The following RNF214 variants were observed in gnomAD, a reference collection of about 807,000 sequenced individuals.
RNF214 encodes ring finger protein 214.
A neutral mutation model predicts 75.9 loss-of-function variants in RNF214; 25 were observed. That is an observed-to-expected ratio of 0.33 (90% confidence interval 0.24 to 0.46). RNF214 has a LOEUF of 0.46. RNF214 is among the 20% of genes least tolerant of loss of function. RNF214 has a pLI of 1.00. For missense variants in RNF214, 725 were observed against 857.5 expected (o/e 0.85, Z 1.93); for synonymous variants, 314 against 308.8 (o/e 1.02, Z -0.18).
At chr11:117,239,727 T>G (rs1420525645) in intron 3 of RNF214, 74 bp from the exon 4 acceptor site, 19 of 810,470 alleles carry the variant, frequency 2.3e-5, no homozygotes, top group African/African-American at 5.1e-5. Flanking sequence ...TGTGGCGGAA[T>G]TCTAGGTGTT....
intron 6 of RNF214, among the ~76,000 whole-genome samples, chr11:117,248,627 T>C (rs895731206): frequency 3.3e-5 from 5 of 152,198 alleles, no homozygotes; most frequent in African/African-American, 1.2e-4. Flanking sequence ...AGTTGTTCTG[T>C]TGAGAATCTA....
intron 6 of RNF214, among the ~76,000 whole-genome samples, chr11:117,250,576 T>A (rs888635660): frequency 8.6e-5 from 13 of 150,482 alleles, no homozygotes; most frequent in Admixed American, 1.3e-4. Context: ...CAGGTAGACA[T>A]TCATTTTATT....
chr11:117,285,411 T>G lies in RNF214; in HGVS notation c.*260T>G, dbSNP rs1302052029. ...ATTGTAGGGAAGATGATGTTTAGTT[T>G]GGCCTTGAAATTATGATATCCCTGC... is the stretch of plus-strand genomic sequence containing the variant. On this transcript the variant is annotated 3_prime_UTR_variant, in exon 15 of 15. Coordinates refer to ENST00000300650, the MANE Select transcript of RNF214 (RefSeq NM_207343.4). 6 of 327,962 alleles carry G rather than the reference T, an allele frequency of 1.8e-5. No individual in the cohort carries two copies. Among genetic ancestry groups the G allele is most frequent in the African/African-American group, 8.7e-5 (4 of 46,136 alleles). The allele number at this position is 327,962 out of a possible 1,614,324, so 20.3% of individuals were successfully genotyped here.
intron 7 of RNF214, 48 bp from the exon 8 acceptor site, chr11:117,280,123 T>C: frequency 6.5e-7 from 1 of 1,530,522 alleles, no homozygotes; most frequent in Non-Finnish European, 9.0e-7. Context: ...GAGGTACCTT[T>C]GTGTATGTAA....
chr11:117,249,618 C>T (rs1272661892), intron 6 of RNF214, among the ~76,000 whole-genome samples: 1 of 152,182 alleles, frequency 6.6e-6, no homozygotes, highest in Non-Finnish European at 1.5e-5. Context: ...CCACTGACTA[C>T]GTGGCTTAAA....
intron 6 of RNF214, among the ~76,000 whole-genome samples, chr11:117,267,138 A>G (rs568164616): frequency 1.3e-4 from 20 of 152,228 alleles, no homozygotes; most frequent in Admixed American, 5.2e-4. Flanking sequence ...TACATTCTCT[A>G]TAAGTGATTT....
In RNF214 at chr11:117,238,696, A is replaced by T. The variant is rs780358782; in HGVS notation, c.203A>T (p.Glu68Val). The change falls in exon 3 of 15, where the codon GAG (glutamate) becomes GTG (valine). Residue 68 changes from glutamate to valine, a missense_variant. Physicochemically the swap from Glu to Val is moderately radical, Grantham distance 121 (BLOSUM62 -2). Coordinates refer to ENST00000300650, the MANE Select transcript of RNF214 (RefSeq NM_207343.4). ...GAGAATAACAGAAATGTCCATTTGG[A>T]GCACTCAGAGCAGAATCCTGGTTCA... ...TKENNRNVHL[E>V]HSEQNPGSSA... The T allele has an allele frequency of 3.1e-6, 5 of 1,614,218 alleles. No individual in the cohort carries two copies. In the East Asian group the frequency reaches 8.9e-5, roughly 29 times the overall value.
intron 4 of RNF214, among the ~76,000 whole-genome samples, chr11:117,241,913 T>G (rs1333432289): frequency 1.3e-5 from 2 of 152,234 alleles, no homozygotes; most frequent in Admixed American, 6.5e-5. Flanking sequence ...TACTTTATAA[T>G]ACAGTGGGAT....
At chr11:117,264,868 A>G (rs1441647928) in intron 6 of RNF214, among the ~76,000 whole-genome samples, 1 of 152,096 alleles carries the variant, frequency 6.6e-6, no homozygotes, top group Non-Finnish European at 1.5e-5. Context: ...GTTCAAGACC[A>G]GCCTGGCCAA....
At position 117,239,844 on chromosome 11, in the gene RNF214, A is replaced by G. The variant is rs756922933; in HGVS notation, c.662A>G (p.Asp221Gly). The G allele has an allele frequency of 6.4e-7, 1 of 1,556,260 alleles. No individual in the cohort carries two copies. ...GATTCAGAGGTAAACACAGATCAAG[A>G]TATTGAAAAGAATTTGGTAAGTATT... is the stretch of plus-strand genomic sequence containing the variant. ...TADSEVNTDQ[D>G]IEKNLDKMMT... is the part of the protein sequence containing the mutation. The change falls in exon 4 of 15, where the codon GAT becomes GGT. Residue 221 changes from aspartate (D) to glycine (G), a missense_variant. Coordinates refer to ENST00000300650, the MANE Select transcript of RNF214 (RefSeq NM_207343.4).
Position 117,244,488 on chromosome 11 carries a change from A to G in RNF214, c.722A>G (p.Gln241Arg). Residue 241 changes from glutamine (Q) to arginine (R), a missense_variant, in exon 5 of 15, where the codon CAG becomes CGG. Physicochemically the swap from Gln to Arg is conservative, Grantham distance 43. Around this residue, in one of 2 missense-constraint regions of RNF214, gnomAD observed 362 missense variants for 344.5 expected, o/e 1.05. Coordinates refer to ENST00000300650, the MANE Select transcript of RNF214 (RefSeq NM_207343.4). ...TERTLLKERY[Q>R]EVLDKQRQVE... is the part of the protein sequence containing the mutation. ...AGAACCCTGTTGAAAGAGCGTTACC[A>G]GGAGGTCCTGGACAAACAGAGGCAA... 1 of 1,613,228 alleles carries G rather than the reference A, an allele frequency of 6.2e-7. No individual in the cohort carries two copies. Among genetic ancestry groups the G allele is most frequent in the Non-Finnish European group, 8.5e-7 (1 of 1,179,396 alleles).
rs945174991 is a variant in RNF214 at position 117,247,877 on chromosome 11, C to CAA, written c.959+937_959+938dup. On this transcript the variant is annotated intron_variant, in intron 6 of 14. Transcript: ENST00000300650. ...GTCTCAAAAAAAAAAAAAAACAAAACAAAAAAAAACAAAGTTCAGACCATG... is the reference window on the plus strand; with the variant it reads ...GTCTCAAAAAAAAAAAAAAACAAAACAAAAAAAAAAACAAAGTTCAGACCATG... Among the ~76,000 whole-genome samples, 3 of 142,846 alleles carry CAA rather than the reference C, an allele frequency of 2.1e-5. No individual in the cohort carries two copies. The Admixed American group carries it at 2.1e-4, about 10-fold the overall frequency. 93.7% of individuals were successfully genotyped at this position (142,846 alleles called of 152,430 possible). A position where few individuals can be genotyped will look rare whatever the true frequency, so the allele number is the denominator to read the frequency against.
intron 13 of RNF214, 86 bp downstream of exon 13, chr11:117,282,936 A>G (rs1228443942): frequency 3.1e-5 from 35 of 1,128,576 alleles, no homozygotes; most frequent in Non-Finnish European, 4.7e-5. Context: ...GCAGGAAGAA[A>G]CCATCAGTTG....
At chr11:117,256,938 C>A (rs991163630) in intron 6 of RNF214, among the ~76,000 whole-genome samples, 1 of 152,168 alleles carries the variant, frequency 6.6e-6, no homozygotes, top group Admixed American at 6.6e-5. Flanking sequence ...ATAAGAGATA[C>A]ATAATTAAAG....
chr11:117,251,467 C>T lies in RNF214; in HGVS notation c.959+4519C>T, dbSNP rs1565335198. The stretch of plus-strand genomic sequence containing the variant: ...CTCCCTCCCGGACGGGGCGGCTGGC[C>T]GGGCGGGGGGCTGACCCCCCCACCT... On this transcript the variant is annotated intron_variant, in intron 6 of 14. Transcript: ENST00000300650. Among the ~76,000 whole-genome samples the T allele has an allele frequency of 5.9e-4, 72 of 121,248 alleles. No homozygotes were observed. In the East Asian group the frequency reaches 8.5e-3, roughly 14 times the overall value. The allele number at this position is 121,248 out of a possible 152,430, so 79.5% of individuals were successfully genotyped here.
At chr11:117,281,763 C>T (rs572507278) in intron 10 of RNF214, 65 bp downstream of exon 10, 9 of 1,506,930 alleles carry the variant, frequency 6.0e-6, no homozygotes, top group Admixed American at 5.1e-5. Flanking sequence ...GAGTCTTCTG[C>T]GTGTTCTTTT....
intron 3 of RNF214, chr11:117,239,458 C>G: frequency 2.2e-6 from 1 of 448,918 alleles, no homozygotes; most frequent in Non-Finnish European, 4.0e-6. Context: ...TGAGTCACAT[C>G]TTAAGAAGTA....
Position 117,281,711 on chromosome 11 carries a change from C to T in RNF214, c.1335+13C>T. On this transcript the variant is annotated intron_variant, in intron 10 of 14. Transcript: ENST00000300650. ...ACCCCCATCAGAGGTAAGAGAGTGG[C>T]TTTGGGGGGAAGTTCACCTTTCTGT... 6.3e-7 allele frequency: 1 copy of T among 1,595,596 alleles called. No individual in the cohort carries two copies. The highest frequency in any genetic ancestry group is 1.1e-5 in the South Asian group (1 of 90,616).
intron 6 of RNF214, among the ~76,000 whole-genome samples, chr11:117,268,342 G>A (rs2033839993): frequency 6.6e-6 from 1 of 152,180 alleles, no homozygotes; most frequent in Non-Finnish European, 1.5e-5. Flanking sequence ...CAAAAAGATG[G>A]CTCCCAGGTC....
Sources: allele counts gnomAD v4.1 joint callset (sites outside exome capture counted in the v4.1 genomes callset), GRCh38; gene constraint gnomAD v4.1.1; regional missense constraint gnomAD v4.1.1; transcripts MANE v1.5; gene names NCBI Gene and HGNC (gene_info 2026-07-23, HGNC 2026-07-21).